Variants in LOXL1 observed in about 807,000 individuals in gnomAD.
The protein encoded by LOXL1 is lysyl oxidase homolog 1.
Under a neutral mutation model 62.2 loss-of-function variants are expected in LOXL1, and 31 were observed. That is an observed-to-expected ratio of 0.50 (90% CI 0.37 to 0.67). The LOEUF is 0.67. LOXL1 is among the 30% of genes least tolerant of loss of function. The pLI, the probability that LOXL1 is intolerant of heterozygous loss-of-function variation, is 0.00. For synonymous variants in LOXL1, 403 were observed against 384.4 expected (o/e 1.05, Z -0.56); for missense variants, 775 against 843.4 (o/e 0.92, Z 1.00).
chr15:73,940,724 G>C (rs2068708106), intron 1 of LOXL1, among the ~76,000 whole-genome samples: 1 of 152,198 alleles, frequency 6.6e-6, no homozygotes. Context: ...AGGTCAGTCT[G>C]TGACCAAGGT....
intron 3 of LOXL1, 113 bp from the exon 4 acceptor site, chr15:73,946,954 C>A: frequency 1.7e-6 from 2 of 1,186,678 alleles, no homozygotes; most frequent in Non-Finnish European, 2.3e-6. Context: ...CCTAGACCAG[C>A]CAGGAGGCTG....
chr15:73,928,079 C>A lies in LOXL1; in HGVS notation c.1102+194C>A, dbSNP rs1013613175. 2.2e-5 allele frequency: 10 copies of A among 445,406 alleles called. 1 individual carries two copies. Among genetic ancestry groups the A allele is most frequent in the Admixed American group, 2.2e-4 (5 of 22,410 alleles). The allele number at this position is 445,406 out of a possible 1,614,324, so 27.6% of individuals were successfully genotyped here. ...TGGCATCTCACCTCCCAGCTTAACCCGCACCCAGGCATCATCAGTGCCAGG... is the reference window on the plus strand; with the variant it reads ...TGGCATCTCACCTCCCAGCTTAACCAGCACCCAGGCATCATCAGTGCCAGG... On this transcript the variant is annotated intron_variant, in intron 1 of 6. Coordinates refer to ENST00000261921, the MANE Select transcript of LOXL1 (RefSeq NM_005576.4).
chr15:73,933,981 C>T (rs1002064855), intron 1 of LOXL1, among the ~76,000 whole-genome samples: 1 of 152,230 alleles, frequency 6.6e-6, no homozygotes, highest in Non-Finnish European at 1.5e-5. Context: ...CTCCCTCTTG[C>T]TGATGGGCAC....
Position 73,946,688 on chromosome 15 carries a change from A to G in LOXL1, c.1349+134A>G, listed in dbSNP as rs1426971762. Reference sequence around the variant, plus strand: ...GGATTAGAGGGCCCGGGGAGGTGTTACCTGCCAACTCTTTTCACTGGGGCA... The same window carrying G: ...GGATTAGAGGGCCCGGGGAGGTGTTGCCTGCCAACTCTTTTCACTGGGGCA... On this transcript the variant is annotated intron_variant, in intron 3 of 6. Coordinates refer to ENST00000261921, the MANE Select transcript of LOXL1 (RefSeq NM_005576.4). 9 of 1,058,570 alleles carry G rather than the reference A, an allele frequency of 8.5e-6. No homozygotes were observed. The African/African-American group carries it at 9.5e-5, about 11-fold the overall frequency. 65.6% of individuals were successfully genotyped at this position (1,058,570 alleles called of 1,614,324 possible).
intron 1 of LOXL1, among the ~76,000 whole-genome samples, chr15:73,940,330 C>A (rs2068705289): frequency 6.6e-6 from 1 of 151,922 alleles, no homozygotes; most frequent in African/African-American, 2.4e-5. Context: ...GCTGTTTGTC[C>A]TTAGTCTCTC....
chr15:73,951,712 G>A (rs2068788360), intron 6 of LOXL1, 119 bp from the exon 7 acceptor site: 2 of 861,308 alleles, frequency 2.3e-6, no homozygotes, highest in Non-Finnish European at 3.3e-6. Flanking sequence ...TGAGGGAAAT[G>A]TAGGCCCATG....
chr15:73,932,864 A>G (rs1384518822), intron 1 of LOXL1, among the ~76,000 whole-genome samples: 1 of 152,224 alleles, frequency 6.6e-6, no homozygotes, highest in Admixed American at 6.5e-5. Context: ...CTTCAGGCTT[A>G]GAAAGCTGTG....
intron 1 of LOXL1, among the ~76,000 whole-genome samples, chr15:73,936,648 G>T (rs889150714): frequency 9.2e-5 from 14 of 152,208 alleles, no homozygotes; most frequent in Admixed American, 5.2e-4. Flanking sequence ...AAAGATTCCA[G>T]AGACAAGGTT....
chr15:73,945,306 G>A lies in LOXL1; in HGVS notation c.1212-1111G>A, dbSNP rs2068740482. On this transcript the variant is annotated intron_variant, in intron 2 of 6. Coordinates refer to ENST00000261921, the MANE Select transcript of LOXL1 (RefSeq NM_005576.4). This position sits in a 1 kb window ranked among gnomAD's most constrained non-coding sequence, Gnocchi z 4.3. ...CAGGGAGAGGTGGTCTGGACCCAGT[G>A]CAAGATGTAGATGGTATCGGGCTGT... Among the ~76,000 whole-genome samples the A allele has an allele frequency of 6.6e-6, 1 of 152,188 alleles. No homozygotes were observed. The highest frequency in any genetic ancestry group is 6.5e-5 in the Admixed American group (1 of 15,278).
chr15:73,928,974 G>A (rs2068615811), intron 1 of LOXL1, among the ~76,000 whole-genome samples: 2 of 152,144 alleles, frequency 1.3e-5, no homozygotes, highest in South Asian at 2.1e-4. Flanking sequence ...TTTTCAGGGG[G>A]TGAACATACG....
At position 73,951,913 on chromosome 15, in the gene LOXL1, G is replaced by T. The variant is rs1240366631; in HGVS notation, c.*76G>T. ...CTCCCCGGGCAGCCTCCCGCCGAGG[G>T]GCCCAGCCCCCAACCCACAGGCACG... On this transcript the variant is annotated 3_prime_UTR_variant, in exon 7 of 7. Transcript: ENST00000261921. The T allele has an allele frequency of 5.2e-6, 7 of 1,355,892 alleles. No homozygotes were observed. Among genetic ancestry groups the T allele is most frequent in the South Asian group, 1.8e-5 (1 of 56,474 alleles). 84.0% of individuals were successfully genotyped at this position (1,355,892 alleles called of 1,614,324 possible).
chr15:73,938,275 G>GTGTCTATCTATC (rs2068688455), intron 1 of LOXL1, among the ~76,000 whole-genome samples: 1 of 140,610 alleles, frequency 7.1e-6, no homozygotes, highest in Non-Finnish European at 1.5e-5. Flanking sequence ...GCTAGACTCC[G>GTGTCTATCTATC]TATCTATCTA....
chr15:73,950,725 G>C (rs192273003), intron 6 of LOXL1, among the ~76,000 whole-genome samples: 1 of 152,356 alleles, frequency 6.6e-6, no homozygotes, highest in South Asian at 2.1e-4. Context: ...TCAGGGCTTA[G>C]TGTGTGGCCA....
chr15:73,934,129 C>T (rs28603291), intron 1 of LOXL1, among the ~76,000 whole-genome samples: 12,850 of 152,260 alleles, frequency 0.084, 1,006 homozygotes, highest in East Asian at 0.24. Context: ...ACCCATCCTT[C>T]CCCCTGCTTG....
chr15:73,941,938 A>G (rs1269206795), intron 1 of LOXL1: 2 of 263,976 alleles, frequency 7.6e-6, no homozygotes, highest in Admixed American at 3.7e-5. Context: ...CAGGACGGAC[A>G]GGCCCCGGGC....
At position 73,927,562 on chromosome 15, in the gene LOXL1, T is replaced by TGCC. The variant is rs747730813; in HGVS notation, c.795_797dup (p.Pro267dup). The TGCC allele has an allele frequency of 4.4e-3, 5,428 of 1,240,720 alleles. 40 individuals are homozygous for TGCC. The highest frequency in any genetic ancestry group is 0.02 in the South Asian group (1,551 of 76,754). 76.9% of individuals were successfully genotyped at this position (1,240,720 alleles called of 1,614,324 possible). The stretch of plus-strand genomic sequence containing the variant: ...TACCCGGCCCCCGAGAGGCCCTACG[T>TGCC]GCCGCCGCCGCCGCCGCCCCCCGAC... On this transcript the variant is annotated inframe_insertion, in exon 1 of 7. Coordinates refer to ENST00000261921, the MANE Select transcript of LOXL1 (RefSeq NM_005576.4).
At chr15:73,937,288 C>T (rs1687233701) in intron 1 of LOXL1, among the ~76,000 whole-genome samples, 1 of 152,224 alleles carries the variant, frequency 6.6e-6, no homozygotes, top group African/African-American at 2.4e-5. Flanking sequence ...AGAGGAAGCT[C>T]CAGGGGCAGA....
At chr15:73,939,894 C>T (rs1282002206) in intron 1 of LOXL1, among the ~76,000 whole-genome samples, 5 of 152,098 alleles carry the variant, frequency 3.3e-5, no homozygotes, top group East Asian at 1.9e-4. Flanking sequence ...CAGTTTCCTC[C>T]GGTGCTTCCA....
intron 1 of LOXL1, among the ~76,000 whole-genome samples, chr15:73,936,486 G>C (rs1319670344): frequency 2.0e-5 from 3 of 152,190 alleles, no homozygotes; most frequent in Non-Finnish European, 4.4e-5. Context: ...GGCTGCGCTA[G>C]CCAAAACATC....
Sources: allele counts gnomAD v4.1 joint callset (sites outside exome capture counted in the v4.1 genomes callset), GRCh38; gene constraint gnomAD v4.1.1; non-coding constraint Gnocchi (gnomAD v3.1); transcripts MANE v1.5; gene names NCBI Gene and HGNC (gene_info 2026-07-23, HGNC 2026-07-21).